The following LAMA2 variants were observed in gnomAD, a reference collection of about 807,000 sequenced individuals.
LAMA2 encodes laminin subunit alpha-2.
A neutral mutation model predicts 364.8 loss-of-function variants in LAMA2; 269 were observed. The ratio of observed to expected loss-of-function variants is 0.74; its 90% CI spans 0.67 to 0.82. The LOEUF is 0.82. Among genes scored for constraint, LAMA2 ranks in the 40% least tolerant of loss-of-function variants. The probability of loss-of-function intolerance (pLI) is 0.00; values close to 1 mark genes in which losing one functional copy is unlikely to be tolerated. For synonymous variants in LAMA2, 1,379 were observed against 1,370.6 expected, an observed-to-expected ratio of 1.01 and a Z score of -0.14; for missense variants, 3,807 against 3,873.2, an observed-to-expected ratio of 0.98 and a Z score of 0.45.
intron 1 of LAMA2, among the ~76,000 whole-genome samples, chr6:128,897,787 C>T (rs1776859318): frequency 6.6e-6 from 1 of 152,118 alleles, no homozygotes; most frequent in Admixed American, 6.5e-5. Context: ...TCCAGTTGGC[C>T]CCCTTTATGA....
chr6:129,068,838 A>G (rs1247837521), intron 3 of LAMA2, among the ~76,000 whole-genome samples: 1 of 152,094 alleles, frequency 6.6e-6, no homozygotes, highest in Admixed American at 6.6e-5. Context: ...TGGGACTGTC[A>G]TTTTTTGTTT....
At chr6:129,089,024 A>G (rs1179314285) in intron 3 of LAMA2, among the ~76,000 whole-genome samples, 1 of 152,202 alleles carries the variant, frequency 6.6e-6, no homozygotes, top group African/African-American at 2.4e-5. Flanking sequence ...CCTGGGCAAC[A>G]TTGAGCACTG....
Position 129,168,321 on chromosome 6 carries a change from C to G in LAMA2, c.1306+2646C>G, listed in dbSNP as rs1307917389. On this transcript the variant is annotated intron_variant, in intron 9 of 64. Transcript: ENST00000421865. The stretch of plus-strand genomic sequence containing the variant: ...AGGTCTAACGTTTAAGTCTTTAATC[C>G]ATCTTGAATTGATTTTTGTATAAGG... 3.3e-5 allele frequency among the ~76,000 whole-genome samples: 5 copies of G among 150,272 alleles called. No homozygotes were observed. In the East Asian group the frequency reaches 7.8e-4, roughly 23 times the overall value.
chr6:128,981,579 CAAAAAAAA>C (rs145266584), intron 1 of LAMA2, among the ~76,000 whole-genome samples: 17 of 119,472 alleles, frequency 1.4e-4, no homozygotes, highest in Middle Eastern at 8.3e-3. Context: ...CCATCTCTAC[CAAAAAAAA>C]AAAAAAAAAA....
chr6:129,110,343 T>C (rs1583059782), intron 4 of LAMA2, among the ~76,000 whole-genome samples: 1 of 151,994 alleles, frequency 6.6e-6, no homozygotes, highest in Non-Finnish European at 1.5e-5. Flanking sequence ...TATTATGACA[T>C]CTATAATCTG....
At chr6:129,314,910 T>G in intron 24 of LAMA2, 112 bp downstream of exon 24, 1 of 1,097,456 alleles carries the variant, frequency 9.1e-7, no homozygotes, top group South Asian at 1.3e-5. Context: ...AGTAACCTTT[T>G]CCTCTGTGAA....
At chr6:129,353,505 A>C (rs1776980825) in intron 32 of LAMA2, 148 bp downstream of exon 32, 4 of 679,110 alleles carry the variant, frequency 5.9e-6, no homozygotes, top group African/African-American at 1.9e-5. Context: ...CTATCTATCC[A>C]CCTTCTGCTG....
intron 58 of LAMA2, among the ~76,000 whole-genome samples, chr6:129,497,952 A>G (rs1310599361): frequency 6.6e-6 from 1 of 152,074 alleles, no homozygotes; most frequent in Non-Finnish European, 1.5e-5. Flanking sequence ...TACATGTTCT[A>G]TTTGTGGATA....
chr6:128,904,775 G>T (rs1459730768), intron 1 of LAMA2, among the ~76,000 whole-genome samples: 1 of 152,046 alleles, frequency 6.6e-6, no homozygotes, highest in East Asian at 1.9e-4. Context: ...GAGTTTCTTA[G>T]CATTATTGCC....
chr6:129,321,810 C>G (rs1774985735), intron 28 of LAMA2, among the ~76,000 whole-genome samples: 1 of 151,960 alleles, frequency 6.6e-6, no homozygotes. Context: ...CAGATGATTC[C>G]ACTAGGTCAA....
chr6:128,993,281 T>C (rs1783718787), intron 1 of LAMA2, among the ~76,000 whole-genome samples: 1 of 152,214 alleles, frequency 6.6e-6, no homozygotes, highest in South Asian at 2.1e-4. Flanking sequence ...GTATACATAA[T>C]GTTTATAGAT....
intron 31 of LAMA2, 114 bp from the exon 32 acceptor site, chr6:129,353,050 A>G: frequency 2.8e-6 from 2 of 708,246 alleles, no homozygotes; most frequent in Admixed American, 2.8e-5. Flanking sequence ...AAAGTTAACT[A>G]ATGTATGGAC....
intron 51 of LAMA2, among the ~76,000 whole-genome samples, chr6:129,468,782 C>G (rs1783667936): frequency 6.6e-6 from 1 of 151,922 alleles, no homozygotes; most frequent in Admixed American, 6.6e-5. Flanking sequence ...AACTATGCAT[C>G]AGATGCTGTG....
chr6:129,147,084 G>A (rs1222970925), intron 6 of LAMA2, 36 bp downstream of exon 6: 1 of 1,281,582 alleles, frequency 7.8e-7, no homozygotes, highest in Non-Finnish European at 1.1e-6. Context: ...GCAAAATGAA[G>A]CCCTGAGCTG....
At chr6:129,446,102 G>T (rs752843233) in intron 45 of LAMA2, among the ~76,000 whole-genome samples, 1 of 151,772 alleles carries the variant, frequency 6.6e-6, no homozygotes, top group Admixed American at 6.6e-5. Flanking sequence ...AATACAAATA[G>T]CAAGAAAGAA....
At chr6:129,081,761 A>C (rs1019483664) in intron 3 of LAMA2, among the ~76,000 whole-genome samples, 1 of 152,188 alleles carries the variant, frequency 6.6e-6, no homozygotes, top group African/African-American at 2.4e-5. Flanking sequence ...ATGTTTAAGT[A>C]CCAACAGAGG....
intron 37 of LAMA2, among the ~76,000 whole-genome samples, chr6:129,396,771 A>G (rs1324135444): frequency 2.6e-5 from 4 of 152,068 alleles, no homozygotes; most frequent in African/African-American, 9.7e-5. Flanking sequence ...CATAAAGAAT[A>G]CACAGGCCAG....
chr6:129,112,838 C>G (rs1776236813), intron 4 of LAMA2, among the ~76,000 whole-genome samples: 1 of 151,926 alleles, frequency 6.6e-6, no homozygotes, highest in East Asian at 1.9e-4. Flanking sequence ...ATTGCCTTGA[C>G]TCACCATAAT....
intron 1 of LAMA2, among the ~76,000 whole-genome samples, chr6:128,975,949 G>A (rs1003280857): frequency 1.6e-4 from 24 of 152,006 alleles, no homozygotes; most frequent in African/African-American, 5.8e-4. Context: ...CAAGCAAGAA[G>A]CAGATCATGA....
Sources: allele counts gnomAD v4.1 joint callset (sites outside exome capture counted in the v4.1 genomes callset), GRCh38; gene constraint gnomAD v4.1.1; transcripts MANE v1.5; gene names NCBI Gene and HGNC (gene_info 2026-07-23, HGNC 2026-07-21).